Variants in ANO2 observed in about 807,000 individuals in gnomAD.
The protein encoded by ANO2 is anoctamin 2, also known as anoctamin-2.
ANO2 carries 101 observed loss-of-function variants against 124.2 expected under a neutral mutation model. The ratio of observed to expected loss-of-function variants is 0.81; its 90% confidence interval spans 0.69 to 0.96. ANO2 has a LOEUF of 0.96. ANO2 is among the 40% of genes least tolerant of loss of function. ANO2 has a pLI of 0.00. For synonymous variants in ANO2, 486 were observed against 482.5 expected, an observed-to-expected ratio of 1.01 and a Z score of -0.09; for missense variants, 1,293 against 1,274.5, an observed-to-expected ratio of 1.01 and a Z score of -0.22.
At chr12:5,622,525 G>A (rs933485110) in intron 16 of ANO2, among the ~76,000 whole-genome samples, 4 of 152,190 alleles carry the variant, frequency 2.6e-5, no homozygotes, top group East Asian at 1.9e-4. Context: ...TGGGAAAGGG[G>A]CCTCAGGGAA....
At chr12:5,805,443 T>G (rs879478202) in intron 9 of ANO2, among the ~76,000 whole-genome samples, 5 of 152,162 alleles carry the variant, frequency 3.3e-5, no homozygotes, top group Admixed American at 6.5e-5. Flanking sequence ...TTCCCCTAAC[T>G]GTAACCTCCA....
chr12:5,750,701 A>C, intron 11 of ANO2, 135 bp downstream of exon 11: 1 of 931,338 alleles, frequency 1.1e-6, no homozygotes, highest in Non-Finnish European at 1.6e-6. Flanking sequence ...GAGGAAAGCT[A>C]CATGTGTCAT....
chr12:5,854,406 A>C (rs1344785347), intron 3 of ANO2, among the ~76,000 whole-genome samples: 2 of 151,398 alleles, frequency 1.3e-5, no homozygotes, highest in African/African-American at 4.9e-5. Flanking sequence ...AGCAAAAAAA[A>C]AAAAAAAAAA....
At chr12:5,870,052 A>T (rs1955529994) in intron 3 of ANO2, among the ~76,000 whole-genome samples, 1 of 152,164 alleles carries the variant, frequency 6.6e-6, no homozygotes, top group Non-Finnish European at 1.5e-5. Flanking sequence ...AGATGAAGAG[A>T]GTAAGTACCA....
intron 14 of ANO2, among the ~76,000 whole-genome samples, chr12:5,714,346 AGCAGGGAGACTG>A (rs1949934930): frequency 6.6e-6 from 1 of 152,212 alleles, no homozygotes; most frequent in Non-Finnish European, 1.5e-5. Flanking sequence ...GAACAGAGAA[AGCAGGGAGACTG>A]GCCCCAGCAT....
chr12:5,704,067 G>A (rs1412042026), intron 14 of ANO2, among the ~76,000 whole-genome samples: 2 of 152,070 alleles, frequency 1.3e-5, no homozygotes, highest in African/African-American at 4.8e-5. Context: ...GATCTGATCT[G>A]AAAAGGATGA....
intron 20 of ANO2, among the ~76,000 whole-genome samples, chr12:5,593,495 T>C (rs1387549345): frequency 6.6e-6 from 1 of 152,190 alleles, no homozygotes; most frequent in Non-Finnish European, 1.5e-5. Context: ...TTCTTAGGTA[T>C]GCCTTGGGGT....
intron 10 of ANO2, among the ~76,000 whole-genome samples, chr12:5,778,542 A>T (rs967253135): frequency 6.6e-6 from 1 of 152,238 alleles, no homozygotes; most frequent in Admixed American, 6.5e-5. Flanking sequence ...CCCACATCTA[A>T]CATATCTGAA....
At chr12:5,573,880 C>G (rs1023258777) in intron 23 of ANO2, among the ~76,000 whole-genome samples, 2 of 152,184 alleles carry the variant, frequency 1.3e-5, no homozygotes, top group African/African-American at 4.8e-5. Context: ...TAGATTGGTA[C>G]AGTTGTTTAA....
chr12:5,645,447 A>G (rs762709173), intron 15 of ANO2, among the ~76,000 whole-genome samples: 1 of 151,326 alleles, frequency 6.6e-6, no homozygotes, highest in South Asian at 2.1e-4. Flanking sequence ...GTGTGTGTGT[A>G]CACATATATA....
At chr12:5,593,307 C>G (rs1231405579) in intron 20 of ANO2, among the ~76,000 whole-genome samples, 1 of 152,124 alleles carries the variant, frequency 6.6e-6, no homozygotes, top group Non-Finnish European at 1.5e-5. Flanking sequence ...ATTCCTGAGG[C>G]AGGATTATAA....
chr12:5,680,009 C>A (rs1470157224), intron 14 of ANO2, among the ~76,000 whole-genome samples: 5 of 152,078 alleles, frequency 3.3e-5, no homozygotes, highest in Non-Finnish European at 7.3e-5. Flanking sequence ...GAGTTGGAAG[C>A]CATTATTCTC....
chr12:5,911,688 A>G (rs539908160), intron 3 of ANO2, among the ~76,000 whole-genome samples: 27 of 152,358 alleles, frequency 1.8e-4, no homozygotes, highest in African/African-American at 6.0e-4. Context: ...AGGAAGACAG[A>G]CTAACGCAAG....
chr12:5,605,542 C>T (rs7294654), intron 19 of ANO2, among the ~76,000 whole-genome samples: 26,934 of 152,010 alleles, frequency 0.18, 2,672 homozygotes, highest in Non-Finnish European at 0.22. Flanking sequence ...CAATGTGGTA[C>T]GTGAAAAAGG....
chr12:5,613,712 C>G (rs758225973), intron 17 of ANO2, among the ~76,000 whole-genome samples: 93 of 152,298 alleles, frequency 6.1e-4, no homozygotes, highest in Non-Finnish European at 1.1e-3. Context: ...TCCCCCAACA[C>G]TTTATTTATA....
At chr12:5,773,777 G>A (rs537239381) in intron 10 of ANO2, among the ~76,000 whole-genome samples, 2 of 152,298 alleles carry the variant, frequency 1.3e-5, no homozygotes, top group African/African-American at 2.4e-5. Context: ...ACAACTTGGT[G>A]AGTGAGCATG....
chr12:5,827,711 C>T (rs1393819516), intron 7 of ANO2, 58 bp downstream of exon 7: 1 of 1,559,574 alleles, frequency 6.4e-7, no homozygotes, highest in Non-Finnish European at 8.7e-7. Context: ...GTTGAAAGCA[C>T]GGGGCGGGAG....
Position 5,889,354 on chromosome 12 carries a change from G to A in ANO2, c.534+31686C>T, listed in dbSNP as rs374649854. On this transcript the variant is annotated intron_variant, in intron 3 of 24. Transcript: ENST00000682330. ...TGCCACCAAAGTGGGAGCCGAGAGCGAGCGAGGGCTGCAAGGACTGCCAGC... is the reference window on the plus strand; with the variant it reads ...TGCCACCAAAGTGGGAGCCGAGAGCAAGCGAGGGCTGCAAGGACTGCCAGC... 6.8e-4 allele frequency among the ~76,000 whole-genome samples: 103 copies of A among 152,400 alleles called. 2 individuals are homozygous for A. The East Asian group carries it at 0.016, about 24-fold the overall frequency.
chr12:5,862,675 G>C lies in ANO2; in HGVS notation c.535-8534C>G, dbSNP rs867372821. Among the ~76,000 whole-genome samples the C allele has an allele frequency of 6.6e-6, 1 of 152,192 alleles. No homozygotes were observed. The highest frequency in any genetic ancestry group is 2.1e-4 in the South Asian group (1 of 4,826). On this transcript the variant is annotated intron_variant, in intron 3 of 24. Transcript: ENST00000682330. This position sits in a 1 kb window ranked among gnomAD's most constrained non-coding sequence, Gnocchi z 4.0. ...AGCTCCCATAATTCCCACATGTTGCGGGAGGGACCTGGTGGGAGGTAACTG... is the reference window on the plus strand; with the variant it reads ...AGCTCCCATAATTCCCACATGTTGCCGGAGGGACCTGGTGGGAGGTAACTG...
Sources: gnomAD v4.1 joint callset for allele counts (sites outside exome capture counted in the v4.1 genomes callset) on GRCh38, gnomAD v4.1.1 for gene constraint, Gnocchi (gnomAD v3.1) non-coding constraint, MANE v1.5 for transcripts, NCBI Gene and HGNC (gene_info 2026-07-23, HGNC 2026-07-21) for gene names.